The following CACNA1E variants were observed in gnomAD, a reference collection of about 807,000 sequenced individuals.
CACNA1E encodes the protein calcium voltage-gated channel subunit alpha1 E.
In CACNA1E, 40 loss-of-function variants were observed where a neutral mutation model predicts 259.2. The observed-to-expected ratio is 0.15, with a 90% confidence interval of 0.12 to 0.20. The LOEUF is 0.20. Ranked by LOEUF, CACNA1E falls within the 10% of genes least tolerant of loss-of-function variation. The probability of loss-of-function intolerance (pLI) is 1.00; values close to 1 mark genes in which losing one functional copy is unlikely to be tolerated. For missense variants in CACNA1E, 1,874 were observed against 3,040.1 expected, an observed-to-expected ratio of 0.62 and a Z score of 9.02; for synonymous variants, 1,104 against 1,138.5, an observed-to-expected ratio of 0.97 and a Z score of 0.61.
At chr1:181,522,752 G>C (rs1013333389) in intron 3 of CACNA1E, among the ~76,000 whole-genome samples, 1 of 152,158 alleles carries the variant, frequency 6.6e-6, no homozygotes. Flanking sequence ...AGTAAGTGTC[G>C]TATTCTCTGT....
intron 7 of CACNA1E, among the ~76,000 whole-genome samples, chr1:181,693,209 T>C (rs545796439): frequency 1.1e-4 from 17 of 150,558 alleles, no homozygotes; most frequent in Admixed American, 4.6e-4. Context: ...TTGGTGGTAA[T>C]GTAAATTAGT....
chr1:181,536,150 CA>C (rs1321530111), intron 3 of CACNA1E, among the ~76,000 whole-genome samples: 29 of 151,702 alleles, frequency 1.9e-4, no homozygotes, highest in Admixed American at 1.8e-3. Context: ...TATTTTTATT[CA>C]ATGCTGGGAA....
At chr1:181,383,059 C>A (rs1305233394) in intron 1 of CACNA1E, among the ~76,000 whole-genome samples, 1 of 152,164 alleles carries the variant, frequency 6.6e-6, no homozygotes, top group African/African-American at 2.4e-5. Flanking sequence ...CAAATCAGGC[C>A]GTGTTCACAG....
chr1:181,686,350 G>A (rs187496003), intron 7 of CACNA1E, among the ~76,000 whole-genome samples: 3 of 125,906 alleles, frequency 2.4e-5, no homozygotes, highest in African/African-American at 9.0e-5. Context: ...GCAATGATGC[G>A]ATCTTGGCTC....
intron 30 of CACNA1E, among the ~76,000 whole-genome samples, 178 bp downstream of exon 30, chr1:181,757,304 A>T (rs955712830): frequency 6.6e-6 from 1 of 152,238 alleles, no homozygotes; most frequent in African/African-American, 2.4e-5. Context: ...TTTAAGGCCC[A>T]CGTATGAGGC....
chr1:181,321,022 G>C (rs1316733779), intron 1 of CACNA1E, among the ~76,000 whole-genome samples: 1 of 152,218 alleles, frequency 6.6e-6, no homozygotes, highest in Non-Finnish European at 1.5e-5. Flanking sequence ...GGGAAGGGGA[G>C]CTGGTGTGTG....
At chr1:181,365,708 T>C (rs1654221842) in intron 1 of CACNA1E, among the ~76,000 whole-genome samples, 1 of 152,194 alleles carries the variant, frequency 6.6e-6, no homozygotes, top group Non-Finnish European at 1.5e-5. Context: ...TTCAAGGAGC[T>C]GTATTTGCTT....
chr1:181,369,969 A>G (rs1654558753), intron 1 of CACNA1E, among the ~76,000 whole-genome samples: 2 of 152,066 alleles, frequency 1.3e-5, no homozygotes, highest in African/African-American at 4.8e-5. Context: ...TCCACTCTCA[A>G]GTAGGCCCTG....
chr1:181,540,665 G>A (rs1454216182), intron 3 of CACNA1E, among the ~76,000 whole-genome samples: 2 of 152,196 alleles, frequency 1.3e-5, no homozygotes, highest in Admixed American at 1.3e-4. Flanking sequence ...GATCCCTGAA[G>A]ACAGAGGGAC....
intron 1 of CACNA1E, among the ~76,000 whole-genome samples, chr1:181,495,297 C>A (rs1664653744): frequency 1.3e-5 from 2 of 152,160 alleles, no homozygotes; most frequent in Non-Finnish European, 2.9e-5. Flanking sequence ...TTAAAAATGA[C>A]CTCTGGATTC....
upstream of CACNA1E, among the ~76,000 whole-genome samples, chr1:181,480,484 G>A (rs1300672395): frequency 3.3e-5 from 5 of 152,126 alleles, no homozygotes; most frequent in South Asian, 4.1e-4. Flanking sequence ...CCAGTGTGTC[G>A]TCGCATTTGC....
intron 37 of CACNA1E, among the ~76,000 whole-genome samples, chr1:181,772,725 G>T (rs749582575): frequency 2.0e-5 from 3 of 152,152 alleles, no homozygotes; most frequent in Non-Finnish European, 2.9e-5. Flanking sequence ...GATGATAATG[G>T]AATAAATGTG....
rs11810375 is a variant in CACNA1E at position 181,731,353 on chromosome 1, T to C, written c.2297+122T>C. ...GCATGTCAGTGTGTGGCTTGGTGTG[T>C]GTGTGTGTGTTCCGTTCACATGATC... On this transcript the variant is annotated intron_variant, in intron 19 of 47. Transcript: ENST00000367573. The C allele has an allele frequency of 9.6e-4, 714 of 743,540 alleles. 4 individuals are homozygous for C. In the African/African-American group the frequency reaches 0.011, roughly 12 times the overall value. 46.1% of individuals were successfully genotyped at this position (743,540 alleles called of 1,614,324 possible).
At chr1:181,355,790 G>A (rs1653384871) in intron 1 of CACNA1E, among the ~76,000 whole-genome samples, 1 of 152,172 alleles carries the variant, frequency 6.6e-6, no homozygotes, top group Non-Finnish European at 1.5e-5. Flanking sequence ...GTCACTGGAG[G>A]ACAGGGGATG....
At chr1:181,362,898 TC>T (rs1195009642) in intron 1 of CACNA1E, among the ~76,000 whole-genome samples, 2 of 152,178 alleles carry the variant, frequency 1.3e-5, no homozygotes, top group Admixed American at 1.3e-4. Flanking sequence ...GCTGTAACCC[TC>T]CCTCTGGGAG....
intron 7 of CACNA1E, among the ~76,000 whole-genome samples, chr1:181,701,668 C>T (rs1355629583): frequency 6.6e-6 from 1 of 152,196 alleles, no homozygotes; most frequent in East Asian, 1.9e-4. Flanking sequence ...TTTTTCCAAA[C>T]TGCGAAACAG....
intron 35 of CACNA1E, among the ~76,000 whole-genome samples, chr1:181,770,155 A>AAT: frequency 6.6e-6 from 1 of 152,192 alleles, no homozygotes. Context: ...TGAGGGGGAA[A>AAT]ATGTGTTCCA....
chr1:181,458,851 A>T (rs1168590517), intron 2 of CACNA1E, among the ~76,000 whole-genome samples: 1 of 148,674 alleles, frequency 6.7e-6, no homozygotes. Context: ...CCATCCATCC[A>T]TCCATCCATC....
intron 35 of CACNA1E, among the ~76,000 whole-genome samples, chr1:181,770,955 C>T (rs1400139459): frequency 2.0e-5 from 3 of 152,138 alleles, no homozygotes; most frequent in Admixed American, 6.5e-5. Flanking sequence ...TTGACAGACG[C>T]TTGAGTACCA....
Sources: gnomAD v4.1 joint callset for allele counts (sites outside exome capture counted in the v4.1 genomes callset) on GRCh38, gnomAD v4.1.1 for gene constraint, MANE v1.5 for transcripts, NCBI Gene and HGNC (gene_info 2026-07-23, HGNC 2026-07-21) for gene names.